MSI2: variants seen among roughly 807,000 people sequenced by gnomAD.
MSI2 encodes RNA-binding protein Musashi homolog 2.
In MSI2, 17 loss-of-function variants were observed where a neutral mutation model predicts 45.6. The observed-to-expected ratio is 0.37, with a 90% CI of 0.26 to 0.56. MSI2 has a LOEUF of 0.56. Among genes scored for constraint, MSI2 ranks in the 20% least tolerant of loss-of-function variants. The probability of loss-of-function intolerance (pLI) is 0.77; values close to 1 mark genes in which losing one functional copy is unlikely to be tolerated. For missense variants in MSI2, 293 were observed against 444.2 expected (o/e 0.66, Z 3.06); for synonymous variants, 156 against 158.2 (o/e 0.99, Z 0.11).
intron 6 of MSI2, among the ~76,000 whole-genome samples, chr17:57,505,284 G>T (rs769819704): frequency 2.0e-5 from 3 of 152,160 alleles, no homozygotes; most frequent in Non-Finnish European, 4.4e-5. Flanking sequence ...GATGGCGAGG[G>T]TGGGGGCCAT....
At chr17:57,377,228 C>CT (rs1316397241) in intron 5 of MSI2, among the ~76,000 whole-genome samples, 1 of 152,148 alleles carries the variant, frequency 6.6e-6, no homozygotes, top group Admixed American at 6.5e-5. Context: ...CCCACAAATA[C>CT]TTTTTTAACC....
At chr17:57,372,524 T>C (rs929494092) in intron 5 of MSI2, among the ~76,000 whole-genome samples, 1 of 152,224 alleles carries the variant, frequency 6.6e-6, no homozygotes, top group African/African-American at 2.4e-5. Context: ...GAAATAATTA[T>C]AGTCAACATA....
rs527536527 is a variant in MSI2 at position 57,548,400 on chromosome 17, A to G, written c.454+18676A>G. 3.9e-5 allele frequency among the ~76,000 whole-genome samples: 6 copies of G among 152,288 alleles called. No individual in the cohort carries two copies. The South Asian group carries it at 1.2e-3, about 32-fold the overall frequency. ...GCTTAATTGGGGCGGAGAGGCAGTG[A>G]TAGCCTTCCTTTCAATTTGTCAAGC... On this transcript the variant is annotated intron_variant, in intron 7 of 13. Transcript: ENST00000284073.
chr17:57,654,372 G>A (rs956247668), intron 11 of MSI2, among the ~76,000 whole-genome samples: 2 of 152,242 alleles, frequency 1.3e-5, no homozygotes, highest in Non-Finnish European at 2.9e-5. Context: ...GAAAGGAAGC[G>A]TTCTGCCTTT....
chr17:57,631,927 C>T (rs1470856617), intron 10 of MSI2: 1 of 1,540,932 alleles, frequency 6.5e-7, no homozygotes, highest in African/African-American at 1.4e-5. Flanking sequence ...AGTCAATGCT[C>T]ACTGAAAGTC....
intron 10 of MSI2, chr17:57,631,525 G>A (rs1892293494): frequency 4.8e-6 from 2 of 417,468 alleles, no homozygotes; most frequent in African/African-American, 4.1e-5. Context: ...CAGAATAAAT[G>A]TTCCTAGAGA....
chr17:57,508,396 A>T (rs1346931804), intron 6 of MSI2, among the ~76,000 whole-genome samples: 1 of 152,210 alleles, frequency 6.6e-6, no homozygotes, highest in Non-Finnish European at 1.5e-5. Flanking sequence ...CCACAGGAAA[A>T]TCAACACATT....
intron 5 of MSI2, among the ~76,000 whole-genome samples, chr17:57,353,811 T>G (rs1916218696): frequency 6.6e-6 from 1 of 152,194 alleles, no homozygotes; most frequent in Admixed American, 6.5e-5. Flanking sequence ...ACTGACCTAT[T>G]AAGTCTCCTT....
chr17:57,466,738 T>A (rs1418475966), intron 6 of MSI2, among the ~76,000 whole-genome samples: 1 of 152,210 alleles, frequency 6.6e-6, no homozygotes. Context: ...CTTGAACTTA[T>A]AAGTGTCTGC....
chr17:57,694,041 A>G, the MSI2 span, among the ~76,000 whole-genome samples: 4 of 152,400 alleles, frequency 2.6e-5, no homozygotes, highest in South Asian at 8.3e-4. Flanking sequence ...TTATTGGAAC[A>G]TAACCATGTT....
chr17:57,498,399 C>T (rs549542749), intron 6 of MSI2, among the ~76,000 whole-genome samples: 30 of 152,364 alleles, frequency 2.0e-4, no homozygotes, highest in Admixed American at 1.6e-3. Context: ...ACGGCCTTAC[C>T]ATCTCAATTT....
intron 8 of MSI2, among the ~76,000 whole-genome samples, chr17:57,599,827 G>A (rs972888701): frequency 6.6e-5 from 10 of 152,190 alleles, no homozygotes; most frequent in African/African-American, 2.2e-4. Context: ...GACAGGGCTG[G>A]TAATGATACT....
chr17:57,450,277 A>AGAAAGAG (rs1567830706), intron 6 of MSI2: 8 of 120,762 alleles, frequency 6.6e-5, no homozygotes, highest in African/African-American at 2.7e-4. Context: ...GAAAGAAAGA[A>AGAAAGAG]AGAAAGAAAG....
chr17:57,578,516 C>A (rs992226846), intron 7 of MSI2, among the ~76,000 whole-genome samples: 1 of 151,898 alleles, frequency 6.6e-6, no homozygotes, highest in African/African-American at 2.4e-5. Context: ...TTCATTTCGC[C>A]AGGAAGCTTG....
chr17:57,419,311 AT>A (rs2084352612), intron 6 of MSI2, among the ~76,000 whole-genome samples: 1 of 151,660 alleles, frequency 6.6e-6, no homozygotes, highest in African/African-American at 2.4e-5. Context: ...TGACCCCCAA[AT>A]TGGGCTGCCA....
intron 11 of MSI2, among the ~76,000 whole-genome samples, chr17:57,671,243 G>A (rs1912749517): frequency 1.3e-5 from 2 of 152,180 alleles, no homozygotes; most frequent in Non-Finnish European, 2.9e-5. Flanking sequence ...CATAGCTCCT[G>A]CTGCAAAAAT....
rs1018986845 is a variant in MSI2 at position 57,483,514 on chromosome 17, G to A, written c.406-46162G>A. 6.6e-5 allele frequency among the ~76,000 whole-genome samples: 10 copies of A among 152,238 alleles called. No homozygotes were observed. The South Asian group carries it at 1.0e-3, about 16-fold the overall frequency. On this transcript the variant is annotated intron_variant, in intron 6 of 13. Transcript: ENST00000284073. Reference sequence around the variant, plus strand: ...TGATGTGGCTGTTTTGCGGGGCCACGCTTTGAGAACCACTGCTGCCAGGTA... The same window carrying A: ...TGATGTGGCTGTTTTGCGGGGCCACACTTTGAGAACCACTGCTGCCAGGTA...
At chr17:57,400,653 T>C (rs2083972299) in intron 5 of MSI2, among the ~76,000 whole-genome samples, 1 of 152,132 alleles carries the variant, frequency 6.6e-6, no homozygotes, top group African/African-American at 2.4e-5. Context: ...GCTGGATTGA[T>C]AAATAACTAT....
intron 5 of MSI2, chr17:57,278,848 T>C (rs2270379): frequency 0.42 from 63,266 of 152,136 alleles, 18,177 homozygotes; most frequent in African/African-American, 0.81. Context: ...CCTGATGAGA[T>C]GGTTTTAAGT....
Sources: gnomAD v4.1 joint callset for allele counts (sites outside exome capture counted in the v4.1 genomes callset) on GRCh38, gnomAD v4.1.1 for gene constraint, MANE v1.5 for transcripts, NCBI Gene and HGNC (gene_info 2026-07-23, HGNC 2026-07-21) for gene names.